Variants in MAD1L1 observed in about 807,000 individuals in gnomAD.
MAD1L1 encodes the protein mitotic spindle assembly checkpoint protein MAD1.
MAD1L1 carries 95 observed loss-of-function variants against 96.9 expected under a neutral mutation model. The ratio of observed to expected loss-of-function variants is 0.98; its 90% CI spans 0.83 to 1.16. The LOEUF (loss-of-function observed/expected upper bound fraction) is 1.16, where lower values mean the gene tolerates loss of function less well. MAD1L1 is among the 50% of genes most tolerant of loss of function. The pLI is 0.00. For missense variants in MAD1L1, 1,007 were observed against 954.4 expected, an observed-to-expected ratio of 1.06 and a Z score of -0.73; for synonymous variants, 473 against 396.6, an observed-to-expected ratio of 1.19 and a Z score of -2.29.
intron 12 of MAD1L1, among the ~76,000 whole-genome samples, chr7:2,053,666 T>C (rs935095996): frequency 3.3e-5 from 5 of 151,822 alleles, no homozygotes; most frequent in African/African-American, 1.2e-4. Flanking sequence ...GTTATGGGGG[T>C]GCCCCAGGCC....
At chr7:2,042,063 G>C (rs1783700416) in intron 12 of MAD1L1, among the ~76,000 whole-genome samples, 1 of 151,330 alleles carries the variant, frequency 6.6e-6, no homozygotes, top group Admixed American at 6.6e-5. Flanking sequence ...ACACACAGAT[G>C]CACGTACACA....
chr7:1,820,017 A>G (rs970150463), intron 18 of MAD1L1, among the ~76,000 whole-genome samples: 3 of 152,154 alleles, frequency 2.0e-5, no homozygotes, highest in African/African-American at 7.2e-5. Context: ...GGAAATGGAA[A>G]CGATGCTACT....
chr7:1,924,617 C>T (rs986452758), intron 17 of MAD1L1, among the ~76,000 whole-genome samples: 1 of 152,150 alleles, frequency 6.6e-6, no homozygotes, highest in Non-Finnish European at 1.5e-5. Context: ...AAAGAAGCCC[C>T]GAAGGAAGTC....
rs533445824 is a variant in MAD1L1 at position 1,961,386 on chromosome 7, A to G, written c.1506-3667T>C. Among the ~76,000 whole-genome samples, 3 of 152,364 alleles carry G rather than the reference A, an allele frequency of 2.0e-5. No individual in the cohort carries two copies. In the South Asian group the frequency reaches 6.2e-4, roughly 32 times the overall value. On this transcript the variant is annotated intron_variant, in intron 15 of 18. Transcript: ENST00000265854. ...CACAACAGTGCAGTACTGGTCTGCA[A>G]GACAGACAGACCGATCAAACAAAAC...
chr7:2,132,675 T>C (rs1411110554), intron 11 of MAD1L1, among the ~76,000 whole-genome samples: 2 of 152,260 alleles, frequency 1.3e-5, no homozygotes, highest in African/African-American at 4.8e-5. Flanking sequence ...CCTCTTTCAC[T>C]GTGCAATATA....
At chr7:2,089,444 C>T (rs774181644) in intron 11 of MAD1L1, among the ~76,000 whole-genome samples, 1 of 152,202 alleles carries the variant, frequency 6.6e-6, no homozygotes, top group Non-Finnish European at 1.5e-5. Context: ...GAGCCTTTTG[C>T]CTCCCACCAT....
chr7:1,906,709 C>T (rs1395995790), intron 17 of MAD1L1, among the ~76,000 whole-genome samples: 1 of 152,250 alleles, frequency 6.6e-6, no homozygotes, highest in African/African-American at 2.4e-5. Context: ...CACACCTGCC[C>T]TGCACCTGAG....
intron 15 of MAD1L1, among the ~76,000 whole-genome samples, chr7:1,976,185 G>C (rs1327909078): frequency 6.6e-6 from 1 of 152,242 alleles, no homozygotes; most frequent in African/African-American, 2.4e-5. Flanking sequence ...ATGTGTGTGT[G>C]AGGACCATCC....
chr7:2,004,971 G>A (rs751645339), intron 13 of MAD1L1, among the ~76,000 whole-genome samples: 1 of 152,216 alleles, frequency 6.6e-6, no homozygotes, highest in Non-Finnish European at 1.5e-5. Context: ...GTGACTCGGA[G>A]CCAAGGAGCC....
chr7:1,885,579 G>A (rs1396950529), intron 18 of MAD1L1, among the ~76,000 whole-genome samples: 2 of 152,116 alleles, frequency 1.3e-5, no homozygotes, highest in Non-Finnish European at 2.9e-5. Context: ...TGTAGCTCCT[G>A]CTTCCTGAGT....
chr7:1,876,233 C>T (rs1785380887), intron 18 of MAD1L1, among the ~76,000 whole-genome samples: 1 of 152,164 alleles, frequency 6.6e-6, no homozygotes, highest in Non-Finnish European at 1.5e-5. Context: ...GAAGCAAGGT[C>T]TCCACAACCA....
At chr7:2,064,537 G>A (rs1034608819) in intron 12 of MAD1L1, among the ~76,000 whole-genome samples, 5 of 152,238 alleles carry the variant, frequency 3.3e-5, no homozygotes, top group African/African-American at 1.2e-4. Context: ...TCTCCGAAGA[G>A]GACAGAGGCT....
intron 18 of MAD1L1, among the ~76,000 whole-genome samples, chr7:1,896,241 C>T (rs1786861107): frequency 6.6e-6 from 1 of 152,258 alleles, no homozygotes; most frequent in Non-Finnish European, 1.5e-5. Context: ...GCCATGGGGG[C>T]TGAAAGTCCG....
At chr7:2,110,347 C>T (rs900383048) in intron 11 of MAD1L1, among the ~76,000 whole-genome samples, 3 of 152,240 alleles carry the variant, frequency 2.0e-5, no homozygotes, top group Non-Finnish European at 2.9e-5. Flanking sequence ...AGCAGCTGCC[C>T]GGCTGCTCCT....
intron 6 of MAD1L1, among the ~76,000 whole-genome samples, chr7:2,218,598 A>T (rs1168842575): frequency 1.3e-5 from 2 of 152,206 alleles, no homozygotes; most frequent in East Asian, 3.9e-4. Context: ...TCCAAGGCAC[A>T]TGATGCTGCC....
chr7:1,936,657 T>A (rs776915750), intron 17 of MAD1L1, 30 bp downstream of exon 17: 1 of 1,540,454 alleles, frequency 6.5e-7, no homozygotes, highest in African/African-American at 1.4e-5. Context: ...AGGTCGAGGA[T>A]GGCAGGGACC....
intron 18 of MAD1L1, among the ~76,000 whole-genome samples, chr7:1,895,879 G>A (rs979966197): frequency 1.3e-5 from 2 of 152,264 alleles, no homozygotes; most frequent in African/African-American, 4.8e-5. Context: ...GCCTGCCACT[G>A]GAAAGAAGGG....
chr7:2,159,469 CT>C (rs1562740185), intron 10 of MAD1L1, among the ~76,000 whole-genome samples: 2 of 152,254 alleles, frequency 1.3e-5, no homozygotes, highest in Non-Finnish European at 1.5e-5. Flanking sequence ...TGCTCTCCTC[CT>C]TCACAGAACA....
intron 15 of MAD1L1, among the ~76,000 whole-genome samples, chr7:1,965,521 G>T (rs771130407): frequency 2.0e-5 from 3 of 152,244 alleles, no homozygotes; most frequent in Non-Finnish European, 4.4e-5. Context: ...TGTACCAGGA[G>T]CTCAAGGCGA....
Sources: allele counts gnomAD v4.1 joint callset (sites outside exome capture counted in the v4.1 genomes callset), GRCh38; gene constraint gnomAD v4.1.1; transcripts MANE v1.5; gene names NCBI Gene and HGNC (gene_info 2026-07-23, HGNC 2026-07-21).